Variants in PRLR observed in about 807,000 individuals in gnomAD.
PRLR encodes hPRL receptor.
Under a neutral mutation model 40.2 loss-of-function variants are expected in PRLR, and 13 were observed. The ratio of observed to expected loss-of-function variants is 0.32; its 90% confidence interval spans 0.21 to 0.51. The LOEUF is 0.51. Among genes scored for constraint, PRLR ranks in the 20% least tolerant of loss-of-function variants. The probability of loss-of-function intolerance (pLI) is 0.97; values close to 1 mark genes in which losing one functional copy is unlikely to be tolerated. For missense variants in PRLR, 656 were observed against 747.3 expected, an observed-to-expected ratio of 0.88 and a Z score of 1.42; for synonymous variants, 269 against 278.7, an observed-to-expected ratio of 0.97 and a Z score of 0.35.
intron 1 of PRLR, among the ~76,000 whole-genome samples, chr5:35,177,067 G>A (rs745349801): frequency 1.3e-3 from 205 of 152,292 alleles, no homozygotes; most frequent in Non-Finnish European, 1.5e-3. Context: ...ATCCTTTACA[G>A]TGTCTATGAT....
chr5:35,092,638 T>A (rs1314745018), intron 2 of PRLR, among the ~76,000 whole-genome samples: 2 of 152,168 alleles, frequency 1.3e-5, no homozygotes, highest in African/African-American at 4.8e-5. Flanking sequence ...CTCTCCCAAT[T>A]GGGACTGGAA....
In PRLR at chr5:35,060,934, C is replaced by G. The variant is rs568127534; in HGVS notation, c.*4155G>C. The G allele has an allele frequency of 6.6e-6, 1 of 152,066 alleles. No individual in the cohort carries two copies. The highest frequency in any genetic ancestry group is 2.1e-4 in the South Asian group (1 of 4,834). The allele number at this position is 152,066 out of a possible 1,614,324, so 9.4% of individuals were successfully genotyped here. A position where few individuals can be genotyped will look rare whatever the true frequency, so the allele number is the denominator to read the frequency against. ...AAATCACAGGGTGGCAGGTTTATCC[C>G]CAAATCACAGCCAGCCTCAATTTCT... On this transcript the variant is annotated 3_prime_UTR_variant, in exon 10 of 10. Transcript: ENST00000618457.
intron 1 of PRLR, among the ~76,000 whole-genome samples, chr5:35,150,427 T>TA (rs1488517139): frequency 6.6e-6 from 1 of 152,218 alleles, no homozygotes; most frequent in South Asian, 2.1e-4. Flanking sequence ...TGCCTAGACT[T>TA]ACGCATTCTT....
intron 2 of PRLR, among the ~76,000 whole-genome samples, chr5:35,107,332 C>T (rs1772327246): frequency 6.6e-6 from 1 of 152,078 alleles, no homozygotes; most frequent in South Asian, 2.1e-4. Context: ...GAAGCAAGAG[C>T]AAACACATTC....
chr5:35,165,485 T>C lies in PRLR; in HGVS notation c.-105-47363A>G, dbSNP rs146064266. ...CTTTTACACAAAGGTTCTTTAGGTG[T>C]TCTCAGGAAGTAGAACCACCTATTT... On this transcript the variant is annotated intron_variant, in intron 1 of 9. Coordinates refer to ENST00000618457, the MANE Select transcript of PRLR (RefSeq NM_000949.7). 3.4e-3 allele frequency among the ~76,000 whole-genome samples: 521 copies of C among 152,330 alleles called. 4 individuals carry two copies. Among genetic ancestry groups the C allele is most frequent in the African/African-American group, 0.012 (497 of 41,568 alleles).
intron 5 of PRLR, among the ~76,000 whole-genome samples, chr5:35,082,990 A>G (rs2112449748): frequency 6.6e-6 from 1 of 152,098 alleles, no homozygotes; most frequent in South Asian, 2.1e-4. Context: ...GCATTTATTA[A>G]AACAGTTGCT....
intron 5 of PRLR, among the ~76,000 whole-genome samples, chr5:35,081,028 C>A (rs1024560466): frequency 3.3e-4 from 38 of 114,526 alleles, no homozygotes; most frequent in African/African-American, 1.4e-3. Flanking sequence ...ACATCACACA[C>A]AGGGGCCTGT....
chr5:35,144,530 T>G lies in PRLR; in HGVS notation c.-105-26408A>C, dbSNP rs988453270. ...CAGCAGTGGCACAATCTCGGCTCAC[T>G]GCAACCTCTGCCTCCCAGGTTCAAG... On this transcript the variant is annotated intron_variant, in intron 1 of 9. Coordinates refer to ENST00000618457, the MANE Select transcript of PRLR (RefSeq NM_000949.7). 5.9e-5 allele frequency among the ~76,000 whole-genome samples: 9 copies of G among 152,180 alleles called. 1 individual carries two copies. Among genetic ancestry groups the G allele is most frequent in the Admixed American group, 2.0e-4 (3 of 15,280 alleles).
At chr5:35,189,506 G>A (rs75830075) in intron 1 of PRLR, among the ~76,000 whole-genome samples, 2 of 151,826 alleles carry the variant, frequency 1.3e-5, no homozygotes, top group East Asian at 1.9e-4. Flanking sequence ...GCTTGAACCC[G>A]GGAGGCAGAG....
At chr5:35,098,669 G>T (rs1408658427) in intron 2 of PRLR, among the ~76,000 whole-genome samples, 1 of 152,044 alleles carries the variant, frequency 6.6e-6, no homozygotes, top group Non-Finnish European at 1.5e-5. Flanking sequence ...TTTGTCTATT[G>T]TTATATATTA....
intron 1 of PRLR, among the ~76,000 whole-genome samples, chr5:35,189,100 G>T (rs1775527201): frequency 6.6e-6 from 1 of 151,984 alleles, no homozygotes. Context: ...TGCATGCAGG[G>T]GCAGCACCAC....
intron 1 of PRLR, among the ~76,000 whole-genome samples, chr5:35,224,361 G>C (rs891630071): frequency 1.3e-5 from 2 of 152,164 alleles, no homozygotes; most frequent in Non-Finnish European, 2.9e-5. Flanking sequence ...AATAAAACCA[G>C]CTTGTCCTTT....
In PRLR at chr5:35,059,677, A is replaced by C. The variant is rs1488624126; in HGVS notation, c.*5412T>G. ...CCAAAACTCACCATCCTGAAAAACA[A>C]AAGTCTGGGGAGAGAACTCCTGTTT... On this transcript the variant is annotated 3_prime_UTR_variant, in exon 10 of 10. Coordinates refer to ENST00000618457, the MANE Select transcript of PRLR (RefSeq NM_000949.7). The C allele has an allele frequency of 6.6e-6, 1 of 152,190 alleles. No individual in the cohort carries two copies. The highest frequency in any genetic ancestry group is 1.5e-5 in the Non-Finnish European group (1 of 68,034). 9.4% of individuals were successfully genotyped at this position (152,190 alleles called of 1,614,324 possible).
At chr5:35,210,771 G>A (rs767114269) in intron 1 of PRLR, among the ~76,000 whole-genome samples, 36 of 152,068 alleles carry the variant, frequency 2.4e-4, no homozygotes, top group Middle Eastern at 3.2e-3. Flanking sequence ...GTGCAGTGGC[G>A]TGATTATGAC....
chr5:35,099,365 A>T (rs1771719520), intron 2 of PRLR, among the ~76,000 whole-genome samples: 1 of 152,214 alleles, frequency 6.6e-6, no homozygotes, highest in Admixed American at 6.5e-5. Flanking sequence ...GTAATGCTTT[A>T]CGCCGTGTTT....
rs550604702 is a variant in PRLR, at chr5:35,218,605, A to G, written c.-106+11663T>C. ...CTTTCACGCTAGTTATTGAGAAACC[A>G]AGTAACTTGAGAGAAGACATTTTTG... On this transcript the variant is annotated intron_variant, in intron 1 of 9. Transcript: ENST00000618457. 1.6e-4 allele frequency among the ~76,000 whole-genome samples: 24 copies of G among 152,298 alleles called. No homozygotes were observed. The East Asian group carries it at 4.4e-3, about 28-fold the overall frequency.
chr5:35,214,776 T>C (rs562780922), intron 1 of PRLR, among the ~76,000 whole-genome samples: 1 of 152,366 alleles, frequency 6.6e-6, no homozygotes, highest in Admixed American at 6.5e-5. Context: ...GCCAAGCTAA[T>C]GATGGAAAGA....
At chr5:35,091,333 T>C (rs1356374769) in intron 2 of PRLR, among the ~76,000 whole-genome samples, 2 of 152,198 alleles carry the variant, frequency 1.3e-5, no homozygotes, top group Admixed American at 6.5e-5. Context: ...AGACTCCTAC[T>C]GGGTTTAAAA....
intron 1 of PRLR, among the ~76,000 whole-genome samples, chr5:35,120,752 A>T (rs1047216946): frequency 1.3e-5 from 2 of 152,202 alleles, no homozygotes; most frequent in African/African-American, 4.8e-5. Context: ...CACTTGGAGT[A>T]CTGTGCTCAT....
Sources: allele counts gnomAD v4.1 joint callset (sites outside exome capture counted in the v4.1 genomes callset), GRCh38; gene constraint gnomAD v4.1.1; transcripts MANE v1.5; gene names NCBI Gene and HGNC (gene_info 2026-07-23, HGNC 2026-07-21).